EGFLAM: variants seen among roughly 807,000 people sequenced by gnomAD.
EGFLAM encodes the protein EGF like, fibronectin type III and laminin G domains, also known as pikachurin.
Under a neutral mutation model 113.1 loss-of-function variants are expected in EGFLAM, and 79 were observed. The observed-to-expected ratio is 0.70, with a 90% CI of 0.58 to 0.84. The LOEUF (loss-of-function observed/expected upper bound fraction) is 0.84, where lower values mean the gene tolerates loss of function less well. Among genes scored for constraint, EGFLAM ranks in the 40% least tolerant of loss-of-function variants. The probability of loss-of-function intolerance (pLI) is 0.00; values close to 1 mark genes in which losing one functional copy is unlikely to be tolerated. For synonymous variants in EGFLAM, 504 were observed against 487.6 expected (o/e 1.03, Z -0.44); for missense variants, 1,265 against 1,291.6 (o/e 0.98, Z 0.32).
At chr5:38,274,047 A>G (rs1757827810) in intron 1 of EGFLAM, among the ~76,000 whole-genome samples, 4 of 152,242 alleles carry the variant, frequency 2.6e-5, no homozygotes. Context: ...CAAATATTAT[A>G]ACTGAAAAAT....
At chr5:38,355,486 G>A (rs953444248) in intron 5 of EGFLAM, among the ~76,000 whole-genome samples, 2 of 152,148 alleles carry the variant, frequency 1.3e-5, no homozygotes, top group Non-Finnish European at 2.9e-5. Flanking sequence ...ACAAGGGGAG[G>A]TGAAATGGCC....
Position 38,385,291 on chromosome 5 carries a change from G to GCT in EGFLAM, c.712+14830_712+14831insTC, listed in dbSNP as rs1561060404. On this transcript the variant is annotated intron_variant, in intron 6 of 21. Coordinates refer to ENST00000322350, the MANE Select transcript of EGFLAM (RefSeq NM_152403.4). ...TGTTTCCCACCCACCCCCCCCCCCC[G>GCT]CCCCCGCCACCGCCAACAAACACCA... 1.2e-3 allele frequency among the ~76,000 whole-genome samples: 49 copies of GCT among 42,032 alleles called. 1 individual carries two copies. The highest frequency in any genetic ancestry group is 2.6e-3 in the Admixed American group (7 of 2,740). The allele number at this position is 42,032 out of a possible 152,430, so 27.6% of individuals were successfully genotyped here.
Position 38,301,231 on chromosome 5 carries a change from T to G in EGFLAM, c.98-36289T>G, listed in dbSNP as rs77143503. On this transcript the variant is annotated intron_variant, in intron 1 of 21. Transcript: ENST00000322350. ...ACCCACAAGAGATTCTCAGGGGGAA[T>G]GAAGTAAAACCAGGAGGAAACCAGG... Among the ~76,000 whole-genome samples, 1,384 of 152,074 alleles carry G rather than the reference T, an allele frequency of 9.1e-3. 24 individuals are homozygous for G. The highest frequency in any genetic ancestry group is 0.032 in the African/African-American group (1,322 of 41,436).
intron 1 of EGFLAM, among the ~76,000 whole-genome samples, chr5:38,325,410 C>A (rs956137350): frequency 6.6e-6 from 1 of 152,148 alleles, no homozygotes; most frequent in Non-Finnish European, 1.5e-5. Context: ...GAGTAGTAAC[C>A]AGCAGGACAA....
At chr5:38,305,944 T>C (rs1304459478) in intron 1 of EGFLAM, among the ~76,000 whole-genome samples, 1 of 152,146 alleles carries the variant, frequency 6.6e-6, no homozygotes, top group Non-Finnish European at 1.5e-5. Flanking sequence ...AGAGTGTAAA[T>C]GGCTGCATCA....
chr5:38,391,109 A>G (rs998361796), intron 6 of EGFLAM, among the ~76,000 whole-genome samples: 3 of 152,178 alleles, frequency 2.0e-5, no homozygotes, highest in African/African-American at 4.8e-5. Context: ...CTAAAAGTTT[A>G]AAAATTTTGC....
At chr5:38,452,066 T>C (rs1742936288) in intron 19 of EGFLAM, among the ~76,000 whole-genome samples, 1 of 148,044 alleles carries the variant, frequency 6.8e-6, no homozygotes, top group Non-Finnish European at 1.5e-5. Context: ...GACAGGGTCT[T>C]GCTGTTGTCG....
At chr5:38,430,049 G>T (rs79989687) in intron 14 of EGFLAM, 7,061 of 227,202 alleles carry the variant, frequency 0.031, 164 homozygotes, top group Non-Finnish European at 0.046. Flanking sequence ...TCCGGTGGCT[G>T]TAGGGGCAAT....
chr5:38,448,278 C>T, intron 17 of EGFLAM, 23 bp from the exon 18 acceptor site: 1 of 1,613,918 alleles, frequency 6.2e-7, no homozygotes, highest in Non-Finnish European at 8.5e-7. Flanking sequence ...ACTATGTAAC[C>T]TCCTTTTTCT....
chr5:38,351,118 T>C (rs1739611230), intron 4 of EGFLAM, among the ~76,000 whole-genome samples: 1 of 150,990 alleles, frequency 6.6e-6, no homozygotes, highest in Non-Finnish European at 1.5e-5. Flanking sequence ...TCTTTTTTTT[T>C]TTTTTTTTGA....
chr5:38,329,882 C>G (rs895615992), intron 1 of EGFLAM, among the ~76,000 whole-genome samples: 2 of 152,262 alleles, frequency 1.3e-5, no homozygotes, highest in Admixed American at 1.3e-4. Context: ...AACGTAGAGA[C>G]TGACAGTGCC....
chr5:38,463,388 A>G (rs1184409843), intron 21 of EGFLAM, among the ~76,000 whole-genome samples: 1 of 152,220 alleles, frequency 6.6e-6, no homozygotes, highest in African/African-American at 2.4e-5. Flanking sequence ...ACTAGTGCAG[A>G]CACATAAAAA....
At chr5:38,354,013 A>G (rs1356021915) in intron 5 of EGFLAM, among the ~76,000 whole-genome samples, 8 of 152,224 alleles carry the variant, frequency 5.3e-5, no homozygotes, top group Non-Finnish European at 1.2e-4. Context: ...CACTGGTCAT[A>G]TTCCAAGCTC....
At chr5:38,438,549 A>C in intron 17 of EGFLAM, 94 bp downstream of exon 17, 2 of 1,230,388 alleles carry the variant, frequency 1.6e-6, no homozygotes, top group African/African-American at 1.5e-5. Context: ...AAGAGTTGTA[A>C]CAGTGGTACA....
At chr5:38,455,830 A>G (rs1743069068) in intron 19 of EGFLAM, among the ~76,000 whole-genome samples, 1 of 152,150 alleles carries the variant, frequency 6.6e-6, no homozygotes, top group Non-Finnish European at 1.5e-5. Flanking sequence ...AACAGAAGGA[A>G]GGGCACCCTT....
At chr5:38,302,278 T>C (rs1758600018) in intron 1 of EGFLAM, among the ~76,000 whole-genome samples, 1 of 151,096 alleles carries the variant, frequency 6.6e-6, no homozygotes, top group African/African-American at 2.4e-5. Flanking sequence ...CATGTATAGA[T>C]TTTGTAACGT....
chr5:38,340,331 G>T (rs993884139), intron 3 of EGFLAM, among the ~76,000 whole-genome samples: 1 of 152,086 alleles, frequency 6.6e-6, no homozygotes, highest in Non-Finnish European at 1.5e-5. Context: ...CTCTTGTGAG[G>T]ATCAAATAAA....
At chr5:38,411,427 C>CAAAAG (rs1448139098) in intron 10 of EGFLAM, among the ~76,000 whole-genome samples, 7 of 148,712 alleles carry the variant, frequency 4.7e-5, no homozygotes, top group East Asian at 2.0e-4. Flanking sequence ...GACTCTTTCT[C>CAAAAG]AAAAGAAAAG....
chr5:38,266,834 A>G (rs16903911), intron 1 of EGFLAM, among the ~76,000 whole-genome samples: 25,407 of 152,138 alleles, frequency 0.17, 2,392 homozygotes, highest in Middle Eastern at 0.28. Flanking sequence ...GAAAGTCTCC[A>G]TAAAGCCAGA....
Sources: allele counts gnomAD v4.1 joint callset (sites outside exome capture counted in the v4.1 genomes callset), GRCh38; gene constraint gnomAD v4.1.1; transcripts MANE v1.5; gene names NCBI Gene and HGNC (gene_info 2026-07-23, HGNC 2026-07-21).